The following KAZN variants were observed in gnomAD, a reference collection of about 807,000 sequenced individuals.
KAZN encodes kazrin, periplakin interacting protein.
KAZN carries 40 observed loss-of-function variants against 87.4 expected under a neutral mutation model. The observed-to-expected ratio is 0.46, with a 90% CI of 0.36 to 0.60. KAZN has a LOEUF of 0.60. Ranked by LOEUF, KAZN falls within the 20% of genes least tolerant of loss-of-function variation. KAZN has a pLI of 0.00. For missense variants in KAZN, 898 were observed against 1,073.9 expected (o/e 0.84, Z 2.29); for synonymous variants, 466 against 458.3 (o/e 1.02, Z -0.22).
At chr1:14,096,968 T>C (rs1644142941) in intron 1 of KAZN, among the ~76,000 whole-genome samples, 1 of 152,244 alleles carries the variant, frequency 6.6e-6, no homozygotes, top group Non-Finnish European at 1.5e-5. Flanking sequence ...AGATTCAGAT[T>C]CAGTGGTTAA....
At chr1:14,938,166 C>T (rs1368584995) in intron 1 of KAZN, among the ~76,000 whole-genome samples, 1 of 152,114 alleles carries the variant, frequency 6.6e-6, no homozygotes, top group African/African-American at 2.4e-5. Context: ...CTTAACCCCT[C>T]TGAGCCTCAA....
chr1:14,627,458 A>C (rs1205057869), intron 1 of KAZN, among the ~76,000 whole-genome samples: 3 of 152,042 alleles, frequency 2.0e-5, no homozygotes, highest in Non-Finnish European at 2.9e-5. Context: ...CCGAGGAGGC[A>C]TGTCTGCACA....
At chr1:14,627,080 C>A (rs1246837792) in intron 1 of KAZN, among the ~76,000 whole-genome samples, 1 of 151,870 alleles carries the variant, frequency 6.6e-6, no homozygotes, top group South Asian at 2.1e-4. Context: ...AACAGACAGA[C>A]CAGTAGGGGG....
intron 2 of KAZN, among the ~76,000 whole-genome samples, chr1:14,493,519 C>G (rs181679149): frequency 1.3e-5 from 2 of 152,276 alleles, no homozygotes; most frequent in African/African-American, 4.8e-5. Flanking sequence ...GAGAAGCCCT[C>G]CCTCCCACAA....
chr1:15,055,480 CA>C lies in KAZN; in HGVS notation c.727-603del, dbSNP rs899340511. 3.3e-5 allele frequency among the ~76,000 whole-genome samples: 5 copies of C among 151,254 alleles called. 1 individual carries two copies. The highest frequency in any genetic ancestry group is 9.7e-5 in the African/African-American group (4 of 41,196). On this transcript the variant is annotated intron_variant, in intron 4 of 14. Transcript: ENST00000376030. The stretch of plus-strand genomic sequence containing the variant: ...AGTGAAACTCCATCTCCAAACAAAA[CA>C]AAAAAAAGGAGTGTTCTTGGAACCC...
chr1:14,452,531 T>C (rs1158861173), intron 2 of KAZN, among the ~76,000 whole-genome samples: 1 of 152,174 alleles, frequency 6.6e-6, no homozygotes, highest in Admixed American at 6.5e-5. Context: ...AGGGTTTGGA[T>C]TTATGACTCT....
chr1:14,935,168 G>A (rs1660304739), intron 1 of KAZN, among the ~76,000 whole-genome samples: 3 of 152,350 alleles, frequency 2.0e-5, no homozygotes, highest in South Asian at 2.1e-4. Context: ...GGGTTCTGGA[G>A]CAGTCACGGA....
chr1:14,031,261 A>G (rs1641316780), intron 1 of KAZN, among the ~76,000 whole-genome samples: 1 of 152,248 alleles, frequency 6.6e-6, no homozygotes, highest in Non-Finnish European at 1.5e-5. Context: ...ATAGGGACCC[A>G]CATTAATATA....
intron 1 of KAZN, among the ~76,000 whole-genome samples, chr1:13,916,582 C>A (rs758219167): frequency 6.6e-6 from 1 of 152,160 alleles, no homozygotes; most frequent in Non-Finnish European, 1.5e-5. Flanking sequence ...CAGAAAATAG[C>A]AGAGAGAATT....
At chr1:14,873,496 T>C (rs1333063019) in intron 1 of KAZN, among the ~76,000 whole-genome samples, 1 of 152,020 alleles carries the variant, frequency 6.6e-6, no homozygotes, top group African/African-American at 2.4e-5. Context: ...TATGCAGAGA[T>C]CTGAGGGAAA....
chr1:15,114,557 C>T lies in KAZN; in HGVS notation c.2250C>T (p.Cys750=), dbSNP rs759532743. Residue 750 remains cysteine, a synonymous_variant, in exon 15 of 15, where the codon TGC becomes TGT. Coordinates refer to ENST00000376030, the MANE Select transcript of KAZN (RefSeq NM_201628.3). The part of the protein sequence containing the change: ...DDYGSLQNED[C]GDDDPQSRLE... ...ATGGCTCTCTTCAAAACGAAGATTG[C>T]GGAGACGATGACCCCCAGAGCAGGC... is the stretch of plus-strand genomic sequence containing the variant. The T allele has an allele frequency of 6.2e-6, 10 of 1,608,224 alleles. No individual in the cohort carries two copies. Among genetic ancestry groups the T allele is most frequent in the African/African-American group, 2.7e-5 (2 of 74,924 alleles).
At chr1:14,598,566 C>T (rs1270371642), upstream of KAZN, 1 of 699,016 alleles carries the variant, frequency 1.4e-6, no homozygotes, top group Non-Finnish European at 1.8e-6. This position sits in a 1 kb window ranked among gnomAD's most constrained non-coding sequence, Gnocchi z 4.2. Flanking sequence ...GGGGGTGTGT[C>T]TCCGAAGTAC....
chr1:14,299,869 G>C (rs1654412621), intron 2 of KAZN, among the ~76,000 whole-genome samples: 1 of 152,214 alleles, frequency 6.6e-6, no homozygotes, highest in Admixed American at 6.5e-5. Flanking sequence ...GGAGTGTACA[G>C]GGAAAGGAGA....
chr1:14,988,881 C>T (rs748909104), intron 2 of KAZN, among the ~76,000 whole-genome samples: 4 of 152,236 alleles, frequency 2.6e-5, no homozygotes, highest in African/African-American at 4.8e-5. Context: ...GCTCTGGGCA[C>T]GCTTACCACT....
At chr1:14,243,534 T>A (rs1649175867) in intron 2 of KAZN, among the ~76,000 whole-genome samples, 1 of 152,168 alleles carries the variant, frequency 6.6e-6, no homozygotes, top group Admixed American at 6.5e-5. Context: ...CATGAGTATC[T>A]GGGTGAAGGT....
chr1:14,690,908 C>G (rs760410832), intron 1 of KAZN, among the ~76,000 whole-genome samples: 2 of 152,126 alleles, frequency 1.3e-5, no homozygotes, highest in Admixed American at 6.6e-5. Context: ...CACTCCTGAT[C>G]CATTCTTATT....
chr1:14,115,639 A>C (rs1644600285), intron 1 of KAZN, among the ~76,000 whole-genome samples: 2 of 152,238 alleles, frequency 1.3e-5, no homozygotes, highest in Non-Finnish European at 1.5e-5. Context: ...TTAATATAGT[A>C]AATTGGTACC....
chr1:15,089,027 G>T (rs574877106), intron 8 of KAZN, among the ~76,000 whole-genome samples: 1 of 151,774 alleles, frequency 6.6e-6, no homozygotes, highest in Non-Finnish European at 1.5e-5. Flanking sequence ...CACACCAGAC[G>T]TTTGCCTTTT....
At chr1:14,164,251 G>A (rs1249906494) in intron 1 of KAZN, among the ~76,000 whole-genome samples, 12 of 152,298 alleles carry the variant, frequency 7.9e-5, no homozygotes, top group Middle Eastern at 3.4e-3. Context: ...TTACAGTCAA[G>A]TTGTCACCCT....
Sources: allele counts gnomAD v4.1 joint callset (sites outside exome capture counted in the v4.1 genomes callset), GRCh38; gene constraint gnomAD v4.1.1; non-coding constraint Gnocchi (gnomAD v3.1); transcripts MANE v1.5; gene names NCBI Gene and HGNC (gene_info 2026-07-23, HGNC 2026-07-21).